Variants in SDK1 observed in about 807,000 individuals in gnomAD.
The protein encoded by SDK1 is sidekick cell adhesion molecule 1.
Under a neutral mutation model 245.5 loss-of-function variants are expected in SDK1, and 157 were observed. The ratio of observed to expected loss-of-function variants is 0.64; its 90% confidence interval spans 0.56 to 0.73. The LOEUF (loss-of-function observed/expected upper bound fraction) is 0.73. SDK1 is among the 30% of genes least tolerant of loss of function. The probability of loss-of-function intolerance (pLI) is 0.00; values close to 1 mark genes in which losing one functional copy is unlikely to be tolerated. For missense variants in SDK1, 3,583 were observed against 3,002.3 expected (o/e 1.19, Z -4.52); for synonymous variants, 1,647 against 1,278.5 (o/e 1.29, Z -6.15).
At chr7:3,855,998 A>C (rs995149052) in intron 5 of SDK1, among the ~76,000 whole-genome samples, 3 of 152,212 alleles carry the variant, frequency 2.0e-5, no homozygotes, top group African/African-American at 7.2e-5. Context: ...AATTTACTGA[A>C]ACTTACTGTT....
chr7:3,305,641 C>T (rs1439318013), intron 1 of SDK1, among the ~76,000 whole-genome samples: 1 of 152,188 alleles, frequency 6.6e-6, no homozygotes, highest in Non-Finnish European at 1.5e-5. Flanking sequence ...GTTCTAGACT[C>T]CCTTACTTGA....
chr7:3,971,185 C>T (rs1782461359), intron 11 of SDK1, among the ~76,000 whole-genome samples: 2 of 152,120 alleles, frequency 1.3e-5, no homozygotes, highest in African/African-American at 4.8e-5. Flanking sequence ...ACCTCATCCA[C>T]ACCTGCATGG....
chr7:4,066,491 CT>C (rs1310036424), intron 19 of SDK1, among the ~76,000 whole-genome samples: 3 of 152,226 alleles, frequency 2.0e-5, no homozygotes, highest in Non-Finnish European at 2.9e-5. Context: ...CCATTTCCAC[CT>C]GCTCCTCATG....
chr7:3,661,058 C>T (rs1383131218), intron 4 of SDK1, among the ~76,000 whole-genome samples: 1 of 152,108 alleles, frequency 6.6e-6, no homozygotes, highest in Non-Finnish European at 1.5e-5. Context: ...ATTTCAACAC[C>T]TATCTCTCAC....
At chr7:3,329,859 T>TAGG (rs1780025386) in intron 1 of SDK1, among the ~76,000 whole-genome samples, 1 of 152,210 alleles carries the variant, frequency 6.6e-6, no homozygotes, top group Non-Finnish European at 1.5e-5. Flanking sequence ...CATTTATACT[T>TAGG]TATTAGGTAT....
chr7:3,885,905 T>C (rs1460929341), intron 5 of SDK1, among the ~76,000 whole-genome samples: 1 of 152,184 alleles, frequency 6.6e-6, no homozygotes, highest in Admixed American at 6.5e-5. Flanking sequence ...TGTTGTTTTG[T>C]TGCGAATTCT....
rs138622606 is a variant in SDK1 at position 4,225,277 on chromosome 7, G to T, written c.5827+3913G>T. 2.0e-5 allele frequency among the ~76,000 whole-genome samples: 3 copies of T among 152,268 alleles called. No homozygotes were observed. In the East Asian group the frequency reaches 5.8e-4, roughly 29 times the overall value. Reference sequence around the variant, plus strand: ...TTGCTCTCCGTTGTTTCTTACAACCGCTTGGGACTCTTCAACTACCTCAAA... The same window carrying T: ...TTGCTCTCCGTTGTTTCTTACAACCTCTTGGGACTCTTCAACTACCTCAAA... On this transcript the variant is annotated intron_variant, in intron 40 of 44. Transcript: ENST00000404826.
chr7:3,708,292 C>T (rs1409721657), intron 4 of SDK1, among the ~76,000 whole-genome samples: 3 of 151,596 alleles, frequency 2.0e-5, no homozygotes, highest in African/African-American at 7.3e-5. Context: ...CAGTTACCTC[C>T]CACCAGGCCC....
intron 4 of SDK1, among the ~76,000 whole-genome samples, chr7:3,818,337 G>A (rs1317100151): frequency 6.6e-6 from 1 of 152,156 alleles, no homozygotes; most frequent in African/African-American, 2.4e-5. Context: ...TATGGGCAAA[G>A]TATTCAACTT....
intron 32 of SDK1, among the ~76,000 whole-genome samples, chr7:4,170,957 A>G (rs1462645112): frequency 2.6e-5 from 4 of 152,196 alleles, no homozygotes; most frequent in Non-Finnish European, 5.9e-5. Flanking sequence ...ATCAGCAGGC[A>G]CTGTAGCCTC....
intron 1 of SDK1, among the ~76,000 whole-genome samples, chr7:3,562,543 A>G (rs1227818517): frequency 2.6e-5 from 4 of 152,226 alleles, no homozygotes; most frequent in African/African-American, 7.2e-5. Flanking sequence ...TAGCTTCTGT[A>G]TAGTGGCTAA....
intron 5 of SDK1, among the ~76,000 whole-genome samples, chr7:3,843,434 T>G (rs568855251): frequency 2.6e-5 from 4 of 152,176 alleles, no homozygotes; most frequent in Non-Finnish European, 5.9e-5. Context: ...GAGAAGAAAT[T>G]GTTACATTCC....
At chr7:3,888,271 G>A (rs771113351) in intron 5 of SDK1, among the ~76,000 whole-genome samples, 11 of 152,316 alleles carry the variant, frequency 7.2e-5, no homozygotes, top group Non-Finnish European at 1.5e-4. Context: ...ATGTGAGAAC[G>A]AGTCATCACT....
rs1190918851 is a variant in SDK1, at chr7:3,962,741, G to A, written c.1319G>A (p.Ser440Asn). The A allele has an allele frequency of 6.2e-7, 1 of 1,613,706 alleles. No homozygotes were observed. The highest frequency in any genetic ancestry group is 1.1e-5 in the South Asian group (1 of 91,044). ...AATCCTCGATACAAAGTGCTCGCCA[G>A]CGGAGGCCTGCGCATCCAGAAGCTG... ...LQNPRYKVLA[S>N]GGLRIQKLRP... The change falls in exon 9 of 45, where the codon AGC becomes AAC. Residue 440 changes from serine to asparagine, a missense_variant. Ser to Asn is a conservative substitution (Grantham distance 46, BLOSUM62 1). Coordinates refer to ENST00000404826, the MANE Select transcript of SDK1 (RefSeq NM_152744.4).
chr7:3,908,844 T>G (rs1259726516), intron 5 of SDK1, among the ~76,000 whole-genome samples: 1 of 150,446 alleles, frequency 6.6e-6, no homozygotes, highest in African/African-American at 2.5e-5. Flanking sequence ...TTTTTTTTTT[T>G]GGTACCTTAG....
intron 17 of SDK1, among the ~76,000 whole-genome samples, chr7:4,040,100 G>A (rs1158794806): frequency 6.6e-6 from 1 of 152,294 alleles, no homozygotes; most frequent in Non-Finnish European, 1.5e-5. Flanking sequence ...TGAGGAGCAG[G>A]AGGAAAGACT....
intron 1 of SDK1, among the ~76,000 whole-genome samples, chr7:3,564,628 T>G (rs953585618): frequency 2.0e-5 from 3 of 152,044 alleles, no homozygotes; most frequent in Non-Finnish European, 4.4e-5. Context: ...AATGAATAAA[T>G]TCTCAGAAAA....
intron 1 of SDK1, among the ~76,000 whole-genome samples, chr7:3,548,553 T>C (rs953825606): frequency 3.9e-5 from 6 of 152,226 alleles, no homozygotes; most frequent in South Asian, 2.1e-4. Flanking sequence ...AATGTCTACA[T>C]TGGTAAGTGG....
chr7:3,710,575 G>GTATT (rs58091343), intron 4 of SDK1, among the ~76,000 whole-genome samples: 17,345 of 152,178 alleles, frequency 0.11, 1,401 homozygotes, highest in African/African-American at 0.23. Flanking sequence ...AAGTCTTTAT[G>GTATT]TACTGTTTTA....
Sources: allele counts gnomAD v4.1 joint callset (sites outside exome capture counted in the v4.1 genomes callset), GRCh38; gene constraint gnomAD v4.1.1; transcripts MANE v1.5; gene names NCBI Gene and HGNC (gene_info 2026-07-23, HGNC 2026-07-21).